RUFY2: variants seen among roughly 807,000 people sequenced by gnomAD.
RUFY2 encodes RUN and FYVE domain containing 2, also known as RUN and FYVE domain-containing protein 2.
Under a neutral mutation model 94.4 loss-of-function variants are expected in RUFY2, and 49 were observed. The observed-to-expected ratio is 0.52, with a 90% CI of 0.41 to 0.66. RUFY2 has a LOEUF of 0.66. Among genes scored for constraint, RUFY2 ranks in the 30% least tolerant of loss-of-function variants. The probability of loss-of-function intolerance (pLI) is 0.00; values close to 1 mark genes in which losing one functional copy is unlikely to be tolerated. For synonymous variants in RUFY2, 255 were observed against 235.7 expected, an observed-to-expected ratio of 1.08 and a Z score of -0.75; for missense variants, 541 against 692.8, an observed-to-expected ratio of 0.78 and a Z score of 2.46.
At chr10:68,366,756 AT>A (rs1184179482) in intron 13 of RUFY2, among the ~76,000 whole-genome samples, 9 of 139,922 alleles carry the variant, frequency 6.4e-5, no homozygotes, top group East Asian at 6.0e-4. Flanking sequence ...ATATATATAT[AT>A]ATAATATTAA....
At chr10:68,397,985 G>C (rs2050518761) in intron 3 of RUFY2, among the ~76,000 whole-genome samples, 1 of 151,624 alleles carries the variant, frequency 6.6e-6, no homozygotes, top group African/African-American at 2.4e-5. Flanking sequence ...AAAATAGCTG[G>C]GCTTGGTGGT....
chr10:68,371,859 C>T (rs532220567), intron 13 of RUFY2, among the ~76,000 whole-genome samples: 1 of 152,176 alleles, frequency 6.6e-6, no homozygotes, highest in Admixed American at 6.5e-5. Context: ...AATCAGAAAA[C>T]CATAAAGGCC....
intron 15 of RUFY2, among the ~76,000 whole-genome samples, chr10:68,358,102 C>T (rs1039851089): frequency 2.0e-5 from 3 of 152,082 alleles, no homozygotes; most frequent in Admixed American, 6.6e-5. Context: ...GCAGGAAAAT[C>T]GCTTGAACCT....
chr10:68,365,226 C>T (rs1200809092), intron 13 of RUFY2, among the ~76,000 whole-genome samples: 4 of 152,140 alleles, frequency 2.6e-5, no homozygotes, highest in Admixed American at 6.6e-5. Flanking sequence ...TTGATAAATA[C>T]TATTTTACTA....
chr10:68,381,387 C>T lies in RUFY2; in HGVS notation c.952G>A (p.Glu318Lys), dbSNP rs967650367. ...TTCATACTAACTTGTACTGCTAGCT[C>T]ATTCTCTACATCCTGCAATTTCAAT... is the stretch of plus-strand genomic sequence containing the variant. ...ESQLRQDVENELAVQVSMKHE... is the reference protein window; with the variant it reads ...ESQLRQDVENKLAVQVSMKHE... The change falls in exon 11 of 18, where the codon GAG (glutamate) becomes AAG (lysine). Residue 318 changes from glutamate (E) to lysine (K), a missense_variant. Glu to Lys is a moderately conservative substitution (Grantham distance 56). Around this residue, in one of 3 missense-constraint regions of RUFY2, gnomAD observed 403 missense variants for 480.7 expected, o/e 0.84. Transcript: ENST00000602465. 1 of 1,610,586 alleles carries T rather than the reference C, an allele frequency of 6.2e-7. No homozygotes were observed. The highest frequency in any genetic ancestry group is 1.7e-5 in the Admixed American group (1 of 59,260).
intron 8 of RUFY2, among the ~76,000 whole-genome samples, chr10:68,384,772 T>C (rs1412038763): frequency 1.3e-5 from 2 of 152,204 alleles, no homozygotes; most frequent in African/African-American, 4.8e-5. Flanking sequence ...CATTCCCTAA[T>C]GATGGTTTGC....
In RUFY2 at chr10:68,407,209, T is replaced by C. The variant is rs1240715239; in HGVS notation, c.-20A>G. 7.1e-7 allele frequency: 1 copy of C among 1,399,524 alleles called. No individual in the cohort carries two copies. The highest frequency in any genetic ancestry group is 3.6e-5 in the Admixed American group (1 of 28,098). 86.7% of individuals were successfully genotyped at this position (1,399,524 alleles called of 1,614,324 possible). On this transcript the variant is annotated 5_prime_UTR_variant, in exon 1 of 18. Coordinates refer to ENST00000602465, the MANE Select transcript of RUFY2 (RefSeq NM_001330103.2). ...ACCCATGGCGGCGGCGGCTGCGCGG[T>C]CTCGGGCGGAGGCTCCCTCGGCCTG...
intron 1 of RUFY2, 66 bp downstream of exon 1, chr10:68,407,120 C>G: frequency 6.6e-7 from 1 of 1,514,922 alleles, no homozygotes. Flanking sequence ...CAGTCCACCC[C>G]GCCTGGCCGC....
chr10:68,357,408 T>C (rs1156343805), intron 15 of RUFY2, among the ~76,000 whole-genome samples: 1 of 151,902 alleles, frequency 6.6e-6, no homozygotes, highest in Non-Finnish European at 1.5e-5. Context: ...TTTGTATTTT[T>C]AGTAGAGACG....
In RUFY2 at chr10:68,401,679, C is replaced by T. The variant is rs756865775; in HGVS notation, c.237G>A (p.Glu79=). ...TTTCCTCTGCTTCGGGGTACAGCTT[C>T]TCCACCAGTTCCAAAGGGCCCCAGA... ...KTIWGPLELV[E]KLYPEAEEIG... The change falls in exon 3 of 18, where the codon GAG becomes GAA. Residue 79 remains glutamate (E), a synonymous_variant. Coordinates refer to ENST00000602465, the MANE Select transcript of RUFY2 (RefSeq NM_001330103.2). The T allele has an allele frequency of 6.2e-7, 1 of 1,613,990 alleles. No homozygotes were observed.
intron 3 of RUFY2, among the ~76,000 whole-genome samples, chr10:68,398,385 C>T (rs181679222): frequency 6.6e-6 from 1 of 152,142 alleles, no homozygotes; most frequent in Non-Finnish European, 1.5e-5. Flanking sequence ...GGCGTGGTGG[C>T]TCACGCCTGT....
chr10:68,381,478 T>A, intron 10 of RUFY2, 79 bp from the exon 11 acceptor site: 7 of 1,349,886 alleles, frequency 5.2e-6, no homozygotes, highest in Non-Finnish European at 7.2e-6. Context: ...AGATTTTCCA[T>A]TCAATATGCA....
chr10:68,383,701 A>G, intron 10 of RUFY2, 97 bp downstream of exon 10: 1 of 872,192 alleles, frequency 1.1e-6, no homozygotes, highest in South Asian at 1.5e-5. Flanking sequence ...ATACCACACC[A>G]AAAAGGATAA....
At chr10:68,356,450 G>A (rs2047062271) in intron 15 of RUFY2, among the ~76,000 whole-genome samples, 1 of 152,038 alleles carries the variant, frequency 6.6e-6, no homozygotes, top group Non-Finnish European at 1.5e-5. Flanking sequence ...AGGTTTCAGT[G>A]AACCAAGATC....
At chr10:68,399,886 A>G (rs1334352644) in intron 3 of RUFY2, among the ~76,000 whole-genome samples, 1 of 152,104 alleles carries the variant, frequency 6.6e-6, no homozygotes, top group Non-Finnish European at 1.5e-5. Flanking sequence ...GGTTCAAGCA[A>G]TTCTCCTGCC....
chr10:68,365,678 G>A (rs535569740), intron 13 of RUFY2, among the ~76,000 whole-genome samples: 127 of 152,270 alleles, frequency 8.3e-4, no homozygotes, highest in Non-Finnish European at 1.5e-3. Context: ...TCTTTAATTA[G>A]CAGTTTAGTG....
chr10:68,341,985 T>G, downstream of RUFY2: 4 of 1,613,944 alleles, frequency 2.5e-6, no homozygotes, highest in Non-Finnish European at 3.4e-6. Context: ...AAGGCCGTGG[T>G]GGTGGAGGCA....
In RUFY2 at chr10:68,376,440, G is replaced by GTC. The variant is rs1203390579; in HGVS notation, c.1325+412_1325+413insGA. Among the ~76,000 whole-genome samples, 8 of 48,266 alleles carry GTC rather than the reference G, an allele frequency of 1.7e-4. No homozygotes were observed. The South Asian group carries it at 6.8e-3, about 41-fold the overall frequency. 31.7% of individuals were successfully genotyped at this position (48,266 alleles called of 152,430 possible). A position where few individuals can be genotyped will look rare whatever the true frequency, so the allele number is the denominator to read the frequency against. On this transcript the variant is annotated intron_variant, in intron 13 of 17. Coordinates refer to ENST00000602465, the MANE Select transcript of RUFY2 (RefSeq NM_001330103.2). The stretch of plus-strand genomic sequence containing the variant: ...GTGAAACTTCATCTCAAAAAAATGT[G>GTC]TGTATATATATATATATATATATAT...
At chr10:68,396,139 C>T (rs549530903) in intron 4 of RUFY2, among the ~76,000 whole-genome samples, 174 of 152,302 alleles carry the variant, frequency 1.1e-3, no homozygotes, top group Non-Finnish European at 2.1e-3. Flanking sequence ...GCTGAGATTA[C>T]AGGCATGCGC....
Sources: allele counts gnomAD v4.1 joint callset (sites outside exome capture counted in the v4.1 genomes callset), GRCh38; gene constraint gnomAD v4.1.1; regional missense constraint gnomAD v4.1.1; transcripts MANE v1.5; gene names NCBI Gene and HGNC (gene_info 2026-07-23, HGNC 2026-07-21).